DLG2: variants seen among roughly 807,000 people sequenced by gnomAD.
DLG2 encodes discs large MAGUK scaffold protein 2, also known as disks large homolog 2.
In DLG2, 45 loss-of-function variants were observed where a neutral mutation model predicts 132.5. The observed-to-expected ratio is 0.34, with a 90% CI of 0.27 to 0.44. The LOEUF (loss-of-function observed/expected upper bound fraction) is 0.44, where lower values mean the gene tolerates loss of function less well. Among genes scored for constraint, DLG2 ranks in the 20% least tolerant of loss-of-function variants. DLG2 has a pLI of 1.00. For synonymous variants in DLG2, 424 were observed against 419.6 expected, an observed-to-expected ratio of 1.01 and a Z score of -0.13; for missense variants, 1,045 against 1,196.9, an observed-to-expected ratio of 0.87 and a Z score of 1.87.
At chr11:85,175,269 T>A (rs1432015290) in intron 4 of DLG2, among the ~76,000 whole-genome samples, 1 of 152,138 alleles carries the variant, frequency 6.6e-6, no homozygotes, top group Admixed American at 6.6e-5. Context: ...TTATCTACCA[T>A]GACCCGACAG....
chr11:83,529,068 G>T (rs1026505508), intron 21 of DLG2, among the ~76,000 whole-genome samples: 1 of 152,062 alleles, frequency 6.6e-6, no homozygotes, highest in South Asian at 2.1e-4. Flanking sequence ...CTCCTCCAGG[G>T]CAGTAACCTT....
chr11:84,797,866 A>C (rs1286795659), intron 6 of DLG2, among the ~76,000 whole-genome samples: 1 of 152,136 alleles, frequency 6.6e-6, no homozygotes, highest in Non-Finnish European at 1.5e-5. Context: ...AAGTCTTTCC[A>C]AGTATTCAAA....
At chr11:84,264,647 T>G (rs1436816743) in intron 7 of DLG2, among the ~76,000 whole-genome samples, 1 of 152,190 alleles carries the variant, frequency 6.6e-6, no homozygotes, top group Non-Finnish European at 1.5e-5. Flanking sequence ...TCAGACTCCT[T>G]TTTCCATTGG....
intron 6 of DLG2, among the ~76,000 whole-genome samples, chr11:84,566,725 C>T (rs1211257412): frequency 2.6e-5 from 4 of 152,134 alleles, no homozygotes; most frequent in African/African-American, 7.2e-5. Flanking sequence ...TTCAGAAAAG[C>T]ACAGCTGTTT....
In DLG2 at chr11:84,326,754, A is replaced by C. The variant is rs979126660; in HGVS notation, c.520-75463T>G. The stretch of plus-strand genomic sequence containing the variant: ...TCCTTTTCATCTATAATGTCATTCA[A>C]GTCCTCTGTTTCCTTATCAATCCTC... On this transcript the variant is annotated intron_variant, in intron 7 of 27. Coordinates refer to ENST00000376104, the MANE Select transcript of DLG2 (RefSeq NM_001142699.3). 2.6e-5 allele frequency among the ~76,000 whole-genome samples: 4 copies of C among 152,272 alleles called. No individual in the cohort carries two copies. In the East Asian group the frequency reaches 7.7e-4, roughly 29 times the overall value.
At chr11:84,963,655 A>G (rs2052914026) in intron 6 of DLG2, among the ~76,000 whole-genome samples, 1 of 152,208 alleles carries the variant, frequency 6.6e-6, no homozygotes, top group Admixed American at 6.5e-5. Flanking sequence ...ATATATTCAG[A>G]TGATTCATAT....
intron 7 of DLG2, among the ~76,000 whole-genome samples, chr11:84,463,570 T>C (rs1454128846): frequency 6.6e-6 from 1 of 151,160 alleles, no homozygotes; most frequent in Non-Finnish European, 1.5e-5. Flanking sequence ...TGGACTATTA[T>C]TTCTTTGTAG....
intron 6 of DLG2, among the ~76,000 whole-genome samples, chr11:84,672,494 G>C (rs2099706959): frequency 6.6e-6 from 1 of 152,122 alleles, no homozygotes; most frequent in Non-Finnish European, 1.5e-5. Context: ...GCAAGCCTCA[G>C]CCTTACAATA....
At position 84,120,854 on chromosome 11, in the gene DLG2, T is replaced by C. The variant is rs77918568; in HGVS notation, c.625-21807A>G. Among the ~76,000 whole-genome samples, 506 of 152,326 alleles carry C rather than the reference T, an allele frequency of 3.3e-3. 2 individuals carry two copies. Among genetic ancestry groups the C allele is most frequent in the African/African-American group, 0.012 (487 of 41,568 alleles). Reference sequence around the variant, plus strand: ...AAGCACAGTGTGTAAACTTATATTATGTATGTATTCTTTCGAATAACTATA... The same window carrying C: ...AAGCACAGTGTGTAAACTTATATTACGTATGTATTCTTTCGAATAACTATA... On this transcript the variant is annotated intron_variant, in intron 9 of 27. Coordinates refer to ENST00000376104, the MANE Select transcript of DLG2 (RefSeq NM_001142699.3).
chr11:83,716,179 T>C (rs1186838955), intron 18 of DLG2, among the ~76,000 whole-genome samples: 1 of 152,182 alleles, frequency 6.6e-6, no homozygotes, highest in Non-Finnish European at 1.5e-5. Flanking sequence ...AGCACGTGTT[T>C]TTTTGTTTGT....
At position 84,640,384 on chromosome 11, in the gene DLG2, C is replaced by T. The variant is rs1370685732; in HGVS notation, c.358-105653G>A. ...AGGGTTTGGATAAGGCCAAATGTTGCTTGTTTGGTATCTCAAGCCCAGAAC... is the reference window on the plus strand; with the variant it reads ...AGGGTTTGGATAAGGCCAAATGTTGTTTGTTTGGTATCTCAAGCCCAGAAC... On this transcript the variant is annotated intron_variant, in intron 6 of 27. Transcript: ENST00000376104. 2.1e-5 allele frequency: 8 copies of T among 376,844 alleles called. No homozygotes were observed. The Admixed American group carries it at 3.1e-4, about 15-fold the overall frequency. 23.3% of individuals were successfully genotyped at this position (376,844 alleles called of 1,614,324 possible).
At position 83,724,551 on chromosome 11, in the gene DLG2, A is replaced by G. The variant is rs139342022; in HGVS notation, c.1825+62139T>C. On this transcript the variant is annotated intron_variant, in intron 18 of 27. Coordinates refer to ENST00000376104, the MANE Select transcript of DLG2 (RefSeq NM_001142699.3). ...TCAAGAGTCTAGCAGTTCACATGAG[A>G]TAATCCTGCTGAAGAGGCCAGTGGT... is the stretch of plus-strand genomic sequence containing the variant. 9.0e-4 allele frequency among the ~76,000 whole-genome samples: 136 copies of G among 150,514 alleles called. 1 individual carries two copies. The highest frequency in any genetic ancestry group is 8.5e-3 in the South Asian group (40 of 4,726).
intron 10 of DLG2, among the ~76,000 whole-genome samples, chr11:84,081,059 C>T (rs1392804996): frequency 6.6e-6 from 1 of 150,530 alleles, no homozygotes; most frequent in African/African-American, 2.4e-5. Context: ...TGTTAATTTA[C>T]AACTAAATCA....
chr11:84,341,551 T>C (rs1011699251), intron 7 of DLG2, among the ~76,000 whole-genome samples: 1 of 152,196 alleles, frequency 6.6e-6, no homozygotes, highest in African/African-American at 2.4e-5. Flanking sequence ...TCTAGAGATA[T>C]ACCCAGGTTT....
intron 6 of DLG2, among the ~76,000 whole-genome samples, chr11:85,076,069 T>C (rs1298622610): frequency 6.6e-6 from 1 of 151,918 alleles, no homozygotes; most frequent in Non-Finnish European, 1.5e-5. Flanking sequence ...ACATTAAGCT[T>C]GTTGGTCAAT....
chr11:85,531,392 TG>T (rs2075199644), intron 3 of DLG2, among the ~76,000 whole-genome samples: 1 of 152,228 alleles, frequency 6.6e-6, no homozygotes, highest in East Asian at 1.9e-4. Context: ...CAACCTCAGA[TG>T]CTCAAGCCAG....
intron 7 of DLG2, among the ~76,000 whole-genome samples, chr11:84,302,576 A>C (rs1166626824): frequency 6.6e-6 from 1 of 152,180 alleles, no homozygotes; most frequent in African/African-American, 2.4e-5. Flanking sequence ...AGACAGATAA[A>C]AGGACTAAAA....
rs191553116 is a variant in DLG2, at chr11:84,281,891, T to C, written c.520-30600A>G. On this transcript the variant is annotated intron_variant, in intron 7 of 27. Coordinates refer to ENST00000376104, the MANE Select transcript of DLG2 (RefSeq NM_001142699.3). ...CAAGTGTTGGTGATGATGTGGAAGATTGGAAGTCTCATACACTGCTGGTGA... is the reference window on the plus strand; with the variant it reads ...CAAGTGTTGGTGATGATGTGGAAGACTGGAAGTCTCATACACTGCTGGTGA... Among the ~76,000 whole-genome samples, 496 of 152,278 alleles carry C rather than the reference T, an allele frequency of 3.3e-3. 2 individuals are homozygous for C. Among genetic ancestry groups the C allele is most frequent in the African/African-American group, 0.011 (476 of 41,564 alleles).
At chr11:84,365,143 G>C (rs2098674182) in intron 7 of DLG2, among the ~76,000 whole-genome samples, 1 of 152,010 alleles carries the variant, frequency 6.6e-6, no homozygotes, top group Non-Finnish European at 1.5e-5. Context: ...ATCTGGTCCT[G>C]GACTCTTTTT....
Sources: gnomAD v4.1 joint callset for allele counts (sites outside exome capture counted in the v4.1 genomes callset) on GRCh38, gnomAD v4.1.1 for gene constraint, MANE v1.5 for transcripts, NCBI Gene and HGNC (gene_info 2026-07-23, HGNC 2026-07-21) for gene names.